Variants in STAG3 observed in about 807,000 individuals in gnomAD.
STAG3 encodes the protein cohesin subunit SA-3.
Under a neutral mutation model 160.7 loss-of-function variants are expected in STAG3, and 101 were observed. That is an observed-to-expected ratio of 0.63 (90% confidence interval 0.54 to 0.74). The LOEUF (loss-of-function observed/expected upper bound fraction) is 0.74. Ranked by LOEUF, STAG3 falls within the 30% of genes least tolerant of loss-of-function variation. The pLI is 0.00. For synonymous variants in STAG3, 519 were observed against 585.0 expected (o/e 0.89, Z 1.63); for missense variants, 1,188 against 1,517.4 (o/e 0.78, Z 3.61).
chr7:100,203,549 C>G (rs1360376632), intron 25 of STAG3, among the ~76,000 whole-genome samples: 3 of 151,862 alleles, frequency 2.0e-5, no homozygotes, highest in African/African-American at 7.3e-5. Flanking sequence ...GAATCTCGCT[C>G]TGTCGCCCAG....
chr7:100,185,775 T>A (rs1799959727), intron 4 of STAG3, among the ~76,000 whole-genome samples: 1 of 152,166 alleles, frequency 6.6e-6, no homozygotes, highest in South Asian at 2.1e-4. Context: ...ACAAGCTAGT[T>A]TTCTTGCTGT....
At chr7:100,209,082 GA>G (rs1801928101) in intron 29 of STAG3, among the ~76,000 whole-genome samples, 1 of 152,114 alleles carries the variant, frequency 6.6e-6, no homozygotes, top group African/African-American at 2.4e-5. Context: ...GAAACTATTT[GA>G]TTGGTTAGAG....
intron 8 of STAG3, among the ~76,000 whole-genome samples, chr7:100,191,476 A>G (rs1401767871): frequency 6.6e-6 from 1 of 152,252 alleles, no homozygotes; most frequent in African/African-American, 2.4e-5. Context: ...CAATCAAAAA[A>G]TCAAAATTTT....
intron 10 of STAG3, 140 bp downstream of exon 10, chr7:100,197,419 T>G: frequency 1.2e-5 from 14 of 1,200,080 alleles, no homozygotes; most frequent in Non-Finnish European, 1.7e-5. Context: ...AACCTTGAAA[T>G]TCCCCTAGCA....
At chr7:100,202,413 G>A (rs766679011) in intron 24 of STAG3, 41 bp from the exon 25 acceptor site, 73 of 1,610,168 alleles carry the variant, frequency 4.5e-5, no homozygotes, top group Admixed American at 2.7e-4. Flanking sequence ...AGGGCAGGAA[G>A]CTTAAGTCTG....
intron 9 of STAG3, among the ~76,000 whole-genome samples, chr7:100,196,937 C>T (rs895190649): frequency 6.6e-6 from 1 of 152,054 alleles, no homozygotes; most frequent in African/African-American, 2.4e-5. Flanking sequence ...TCAAGGCCAG[C>T]TTGGGCAACA....
chr7:100,202,184 T>C lies in STAG3; in HGVS notation c.2407T>C (p.Leu803=), dbSNP rs745556324. The C allele has an allele frequency of 1.2e-6, 2 of 1,613,486 alleles. No homozygotes were observed. Among genetic ancestry groups the C allele is most frequent in the South Asian group, 2.2e-5 (2 of 90,978 alleles). Reference sequence around the variant, plus strand: ...TTTCCCCCTACAGGCTTTTGTCTTATTAAGTGATCTACTTCTCATCTTTAG... The same window carrying C: ...TTTCCCCCTACAGGCTTTTGTCTTACTAAGTGATCTACTTCTCATCTTTAG... ...TEIQEQAFVL[L]SDLLLIFSPQ... is the part of the protein sequence containing the mutation. Residue 803 remains leucine (L), a synonymous_variant, in exon 24 of 34, where the codon TTA becomes CTA. Transcript: ENST00000615138.
intron 9 of STAG3, among the ~76,000 whole-genome samples, chr7:100,195,798 T>G (rs1440796220): frequency 6.6e-6 from 1 of 152,094 alleles, no homozygotes; most frequent in Non-Finnish European, 1.5e-5. Context: ...GCAGGGGAGT[T>G]TTATACTGTT....
In STAG3 at chr7:100,214,256, T is replaced by A. The variant is rs1802570920; in HGVS notation, c.*241T>A. 1.7e-5 allele frequency: 10 copies of A among 571,900 alleles called. No individual in the cohort carries two copies. The South Asian group carries it at 2.0e-4, about 12-fold the overall frequency. 35.4% of individuals were successfully genotyped at this position (571,900 alleles called of 1,614,324 possible). A position where few individuals can be genotyped will look rare whatever the true frequency, so the allele number is the denominator to read the frequency against. On this transcript the variant is annotated 3_prime_UTR_variant, in exon 34 of 34. Coordinates refer to ENST00000615138, the MANE Select transcript of STAG3 (RefSeq NM_001282717.2). Reference sequence around the variant, plus strand: ...CCCCTTGCCTTTTTCCTGTTCTGTTTGGAGTGGAGAAGGGCAGCACCTCTG... The same window carrying A: ...CCCCTTGCCTTTTTCCTGTTCTGTTAGGAGTGGAGAAGGGCAGCACCTCTG...
chr7:100,213,185 C>T (rs190205746), intron 32 of STAG3: 274 of 422,654 alleles, frequency 6.5e-4, no homozygotes, highest in Admixed American at 1.0e-3. Flanking sequence ...GAAGGGCATT[C>T]ATCCATCCAT....
In STAG3 at chr7:100,211,128, T is replaced by C; in HGVS notation, c.3356T>C (p.Leu1119Pro). The C allele has an allele frequency of 1.5e-6, 2 of 1,369,416 alleles. No homozygotes were observed. The highest frequency in any genetic ancestry group is 9.7e-7 in the Non-Finnish European group (1 of 1,026,302). 84.8% of individuals were successfully genotyped at this position (1,369,416 alleles called of 1,614,324 possible). Reference protein sequence around the residue: ...TSTAVKSRQPLWGLKEMEEED... With the variant: ...TSTAVKSRQPPWGLKEMEEED... ...ACAGCTGTGAAGAGCAGGCAGCCCCTGTGGGGGTTGAAAGAGATGGAGGAA... is the reference window on the plus strand; with the variant it reads ...ACAGCTGTGAAGAGCAGGCAGCCCCCGTGGGGGTTGAAAGAGATGGAGGAA... The change falls in exon 30 of 34, where the codon CTG becomes CCG. Residue 1119 changes from leucine (L) to proline (P), a missense_variant. Around this residue, in one of 4 missense-constraint regions of STAG3, gnomAD observed 647 missense variants for 717.2 expected, o/e 0.90. Transcript: ENST00000615138.
intron 1 of STAG3, among the ~76,000 whole-genome samples, chr7:100,179,954 C>T (rs185007821): frequency 9.7e-4 from 147 of 152,270 alleles, no homozygotes; most frequent in African/African-American, 3.0e-3. Flanking sequence ...AGGCTGGTCT[C>T]GAACCCCTGA....
At position 100,205,320 on chromosome 7, in the gene STAG3, T is replaced by C; in HGVS notation, c.3174T>C (p.Pro1058=). Residue 1058 remains proline, a synonymous_variant, in exon 29 of 34, where the codon CCT becomes CCC. Transcript: ENST00000615138. Reference sequence around the variant, plus strand: ...CCACCTACTGCCACTCCCTCAGCCCTGTGGAGAACACAGCAGAGACCAGCC... The same window carrying C: ...CCACCTACTGCCACTCCCTCAGCCCCGTGGAGAACACAGCAGAGACCAGCC... ...PVTTYCHSLS[P]VENTAETSPQ... is the part of the protein sequence containing the mutation. 2 of 1,614,092 alleles carry C rather than the reference T, an allele frequency of 1.2e-6. No homozygotes were observed. The highest frequency in any genetic ancestry group is 1.7e-6 in the Non-Finnish European group (2 of 1,180,026).
chr7:100,180,599 G>C lies in STAG3; in HGVS notation c.43G>C (p.Ala15Pro). 6.2e-7 allele frequency: 1 copy of C among 1,613,638 alleles called. No homozygotes were observed. The highest frequency in any genetic ancestry group is 8.5e-7 in the Non-Finnish European group (1 of 1,179,552). The change falls in exon 2 of 34, where the codon GCC (alanine) becomes CCC (proline). Residue 15 changes from alanine to proline, a missense_variant. Physicochemically the swap from Ala to Pro is conservative, Grantham distance 27. Coordinates refer to ENST00000615138, the MANE Select transcript of STAG3 (RefSeq NM_001282717.2). ...AAGAGCTGTGGGAGATACCAAGAGG[G>C]CCTTGTCTGCATCTTCTAGTTCCTC... ...LQRAVGDTKR[A>P]LSASSSSSAS...
intron 8 of STAG3, among the ~76,000 whole-genome samples, chr7:100,194,170 C>T (rs1800533923): frequency 6.6e-6 from 1 of 152,124 alleles, no homozygotes; most frequent in Admixed American, 6.6e-5. Flanking sequence ...TGGTCTCGAA[C>T]TGACCTCAAG....
intron 4 of STAG3, among the ~76,000 whole-genome samples, chr7:100,184,658 G>T (rs1400190538): frequency 6.6e-6 from 1 of 151,830 alleles, no homozygotes; most frequent in Non-Finnish European, 1.5e-5. Flanking sequence ...AGCAGAGATG[G>T]GGTTTCACCG....
chr7:100,209,884 G>A (rs1445034784), intron 29 of STAG3, among the ~76,000 whole-genome samples: 1 of 152,226 alleles, frequency 6.6e-6, no homozygotes, highest in Non-Finnish European at 1.5e-5. Flanking sequence ...GGAAGGCAGA[G>A]AGTGAAGATA....
chr7:100,202,077 T>C (rs373793769), intron 23 of STAG3, 36 bp downstream of exon 23: 3 of 1,612,728 alleles, frequency 1.9e-6, no homozygotes. Context: ...ACAAGGCGAG[T>C]ATCCCTGCCC....
rs757202018 is a variant in STAG3, at chr7:100,200,871, C to T, written c.1963C>T (p.Pro655Ser). 3.7e-6 allele frequency: 6 copies of T among 1,614,206 alleles called. No homozygotes were observed. In the Admixed American group the frequency reaches 6.7e-5, roughly 18 times the overall value. The change falls in exon 19 of 34, where the codon CCC (proline) becomes TCC (serine). Residue 655 changes from proline (P) to serine (S), a missense_variant. Physicochemically the swap from Pro to Ser is moderately conservative, Grantham distance 74 (BLOSUM62 -1). Coordinates refer to ENST00000615138, the MANE Select transcript of STAG3 (RefSeq NM_001282717.2). ...GAHALYLLCN[P>S]EFTFFSRADF... ...GCATGCCCTCTACCTGCTCTGTAAT[C>T]CCGAATTCACTTTCTTCAGCCGGGC...
Sources: allele counts gnomAD v4.1 joint callset (sites outside exome capture counted in the v4.1 genomes callset), GRCh38; gene constraint gnomAD v4.1.1; regional missense constraint gnomAD v4.1.1; transcripts MANE v1.5; gene names NCBI Gene and HGNC (gene_info 2026-07-23, HGNC 2026-07-21).